The following HSPBAP1 variants were observed in gnomAD, a reference collection of about 807,000 sequenced individuals.
HSPBAP1 encodes the protein HSPB1-associated protein 1.
A neutral mutation model predicts 45.2 loss-of-function variants in HSPBAP1; 27 were observed. The ratio of observed to expected loss-of-function variants is 0.60; its 90% CI spans 0.44 to 0.82. The LOEUF is 0.82. Ranked by LOEUF, HSPBAP1 falls within the 40% of genes least tolerant of loss-of-function variation. The probability of loss-of-function intolerance (pLI) is 0.00; values close to 1 mark genes in which losing one functional copy is unlikely to be tolerated. For synonymous variants in HSPBAP1, 204 were observed against 202.7 expected (o/e 1.01, Z -0.06); for missense variants, 510 against 590.9 (o/e 0.86, Z 1.42).
chr3:122,742,476 T>C (rs945387447), intron 6 of HSPBAP1, among the ~76,000 whole-genome samples: 7 of 152,166 alleles, frequency 4.6e-5, no homozygotes, highest in Non-Finnish European at 8.8e-5. Flanking sequence ...GAATGTAAAA[T>C]GGTGCTTCAG....
intron 2 of HSPBAP1, among the ~76,000 whole-genome samples, chr3:122,774,195 G>A (rs1436769157): frequency 2.0e-5 from 3 of 152,210 alleles, no homozygotes; most frequent in Non-Finnish European, 2.9e-5. Flanking sequence ...ATACAACCAT[G>A]TGATTACAAC....
chr3:122,753,771 T>A (rs549388787), intron 5 of HSPBAP1: 1 of 985,312 alleles, frequency 1.0e-6, no homozygotes, highest in South Asian at 4.7e-5. Flanking sequence ...TAGTAGGTTA[T>A]GCATGTCCTA....
At chr3:122,746,361 C>T (rs914845237) in intron 6 of HSPBAP1, among the ~76,000 whole-genome samples, 3 of 145,578 alleles carry the variant, frequency 2.1e-5, no homozygotes, top group African/African-American at 5.1e-5. Context: ...AAAACAGAGG[C>T]AAGAATAGCC....
At chr3:122,781,815 G>GTA (rs1316919133) in intron 1 of HSPBAP1, among the ~76,000 whole-genome samples, 4 of 152,094 alleles carry the variant, frequency 2.6e-5, no homozygotes, top group Non-Finnish European at 5.9e-5. Flanking sequence ...TTATGGCTGT[G>GTA]TAGCATTCCA....
In HSPBAP1 at chr3:122,786,483, G is replaced by T. The variant is rs376683750; in HGVS notation, c.64+7134C>A. 13 of 152,214 alleles carry T rather than the reference G, an allele frequency of 8.5e-5. 2 individuals carry two copies. Among genetic ancestry groups the T allele is most frequent in the East Asian group, 1.9e-4 (1 of 5,178 alleles). 9.4% of individuals were successfully genotyped at this position (152,214 alleles called of 1,614,324 possible). A position where few individuals can be genotyped will look rare whatever the true frequency, so the allele number is the denominator to read the frequency against. On this transcript the variant is annotated intron_variant, in intron 1 of 7. Coordinates refer to ENST00000306103, the MANE Select transcript of HSPBAP1 (RefSeq NM_024610.6). ...TTCATACTTGGGTAGATATAACTGGGTAGCCTTCTATAAATATGGACACAG... is the reference window on the plus strand; with the variant it reads ...TTCATACTTGGGTAGATATAACTGGTTAGCCTTCTATAAATATGGACACAG...
intron 1 of HSPBAP1, among the ~76,000 whole-genome samples, chr3:122,784,207 A>G (rs532222976): frequency 5.8e-4 from 88 of 152,336 alleles, no homozygotes; most frequent in African/African-American, 2.0e-3. Flanking sequence ...TCCCTACACT[A>G]TGAAAAGCTA....
intron 1 of HSPBAP1, among the ~76,000 whole-genome samples, chr3:122,792,878 A>AAAAAAAAAAAAGAGAGAAAAG (rs1935878553): frequency 4.7e-4 from 2 of 4,224 alleles, no homozygotes; most frequent in Non-Finnish European, 2.2e-3. Context: ...TCAAAAAAAG[A>AAAAAAAAAAAAGAGAGAAAAG]AAAAAAAAAA....
In HSPBAP1 at chr3:122,740,839, A is replaced by G; in HGVS notation, c.973T>C (p.Leu325=). The part of the protein sequence containing the change: ...ETSHAVNCCY[L]NAAVSAFFDR... ...AAAAATGCAGAAACAGCTGCATTTAAGTAGCAACAGTTGACTGCATGGGAC... is the reference window on the plus strand; with the variant it reads ...AAAAATGCAGAAACAGCTGCATTTAGGTAGCAACAGTTGACTGCATGGGAC... Residue 325 remains leucine (L), a synonymous_variant, in exon 8 of 8, where the codon TTA becomes CTA. Transcript: ENST00000306103. The G allele has an allele frequency of 6.2e-7, 1 of 1,614,204 alleles. No individual in the cohort carries two copies. The highest frequency in any genetic ancestry group is 2.2e-5 in the East Asian group (1 of 44,892).
intron 2 of HSPBAP1, among the ~76,000 whole-genome samples, chr3:122,774,071 A>G (rs1935103290): frequency 1.3e-5 from 2 of 152,246 alleles, no homozygotes; most frequent in African/African-American, 4.8e-5. Flanking sequence ...AAAGTCTTTC[A>G]TTCTTTCACT....
At position 122,752,616 on chromosome 3, in the gene HSPBAP1, A is replaced by G. The variant is rs1934198595; in HGVS notation, c.800T>C (p.Val267Ala). 1.2e-6 allele frequency: 2 copies of G among 1,602,830 alleles called. No homozygotes were observed. The highest frequency in any genetic ancestry group is 2.7e-5 in the African/African-American group (2 of 74,188). ...HYVESIDPVT[V>A]SINSWIELEE... ...CAGTTCAATCCATGAGTTTATACTGACAGTGACAGGATCAATGGATTCTAC... is the reference window on the plus strand; with the variant it reads ...CAGTTCAATCCATGAGTTTATACTGGCAGTGACAGGATCAATGGATTCTAC... The change falls in exon 6 of 8, where the codon GTC (valine) becomes GCC (alanine). Residue 267 changes from valine (V) to alanine (A), a missense_variant. Physicochemically the swap from Val to Ala is moderately conservative, Grantham distance 64 (BLOSUM62 0). Transcript: ENST00000306103.
chr3:122,776,194 T>C (rs1399937172), intron 2 of HSPBAP1, among the ~76,000 whole-genome samples: 2 of 152,220 alleles, frequency 1.3e-5, no homozygotes, highest in Non-Finnish European at 2.9e-5. Context: ...ATAGTAGTGA[T>C]GATTGTACAA....
chr3:122,787,525 G>A (rs866001713), intron 1 of HSPBAP1, among the ~76,000 whole-genome samples: 6 of 152,172 alleles, frequency 3.9e-5, no homozygotes, highest in Middle Eastern at 3.4e-3. Flanking sequence ...AAAAATTAAA[G>A]ATTTTTAAAA....
In HSPBAP1 at chr3:122,755,285, T is replaced by C. The variant is rs760299165; in HGVS notation, c.716A>G (p.His239Arg). 5.0e-6 allele frequency: 8 copies of C among 1,593,362 alleles called. No individual in the cohort carries two copies. The South Asian group carries it at 9.1e-5, about 18-fold the overall frequency. The change falls in exon 5 of 8, where the codon CAT becomes CGT. Residue 239 changes from histidine (H) to arginine (R), a missense_variant. His to Arg is a conservative substitution (Grantham distance 29). Transcript: ENST00000306103. ...RFPQFRKAQR[H>R]AVTLSPGQVL... ...CTGTCCTGGGCTCAGTGTAACCGCATGTCTTTGAGCTTTCCGGAACTGAGG... is the reference window on the plus strand; with the variant it reads ...CTGTCCTGGGCTCAGTGTAACCGCACGTCTTTGAGCTTTCCGGAACTGAGG...
intron 6 of HSPBAP1, among the ~76,000 whole-genome samples, chr3:122,748,811 A>T (rs1934022166): frequency 6.6e-6 from 1 of 152,268 alleles, no homozygotes; most frequent in Non-Finnish European, 1.5e-5. Context: ...CATTATTTGT[A>T]ATTACAAAAG....
chr3:122,746,778 G>C (rs554204353), intron 6 of HSPBAP1, among the ~76,000 whole-genome samples: 1 of 152,024 alleles, frequency 6.6e-6, no homozygotes, highest in African/African-American at 2.4e-5. Context: ...TCGGCCTGCC[G>C]AGTGCCTGCG....
intron 3 of HSPBAP1, among the ~76,000 whole-genome samples, chr3:122,760,888 C>T (rs1044171999): frequency 5.9e-5 from 9 of 152,122 alleles, no homozygotes; most frequent in Non-Finnish European, 1.0e-4. Flanking sequence ...CTACCATATA[C>T]GTGGTATGAT....
At chr3:122,750,841 T>C (rs1445823327) in intron 6 of HSPBAP1, among the ~76,000 whole-genome samples, 1 of 152,166 alleles carries the variant, frequency 6.6e-6, no homozygotes, top group African/African-American at 2.4e-5. Flanking sequence ...TTCACTAAAA[T>C]GACAGATAAG....
intron 6 of HSPBAP1, among the ~76,000 whole-genome samples, chr3:122,742,969 G>A (rs1560103719): frequency 1.3e-5 from 2 of 152,114 alleles, no homozygotes; most frequent in South Asian, 2.1e-4. Context: ...ATCTATCTAC[G>A]TATATACTCA....
chr3:122,755,604 T>C (rs1277943800), intron 4 of HSPBAP1, among the ~76,000 whole-genome samples, 173 bp from the exon 5 acceptor site: 1 of 151,664 alleles, frequency 6.6e-6, no homozygotes, highest in East Asian at 1.9e-4. Context: ...AGAATCCCTC[T>C]GCAGATACCG....
Sources: gnomAD v4.1 joint callset for allele counts (sites outside exome capture counted in the v4.1 genomes callset) on GRCh38, gnomAD v4.1.1 for gene constraint, MANE v1.5 for transcripts, NCBI Gene and HGNC (gene_info 2026-07-23, HGNC 2026-07-21) for gene names.